CCDC171: variants seen among roughly 807,000 people sequenced by gnomAD.
CCDC171 encodes coiled-coil domain-containing protein 171.
Under a neutral mutation model 168.2 loss-of-function variants are expected in CCDC171, and 177 were observed. That is an observed-to-expected ratio of 1.05 (90% CI 0.93 to 1.19). The LOEUF is 1.19. Ranked by LOEUF, CCDC171 falls within the 50% of genes most tolerant of loss-of-function variation. The probability of loss-of-function intolerance (pLI) is 0.00; values close to 1 mark genes in which losing one functional copy is unlikely to be tolerated. For missense variants in CCDC171, 1,991 were observed against 1,539.0 expected (o/e 1.29, Z -4.91); for synonymous variants, 687 against 540.8 (o/e 1.27, Z -3.75).
At chr9:15,787,197 A>G (rs1377625206) in intron 21 of CCDC171, among the ~76,000 whole-genome samples, 6 of 152,292 alleles carry the variant, frequency 3.9e-5, no homozygotes, top group African/African-American at 1.2e-4. Context: ...AAATCAGGCT[A>G]ACATTCATCT....
intron 1 of CCDC171, among the ~76,000 whole-genome samples, chr9:16,051,944 A>AAG (rs1371915910): frequency 6.6e-6 from 1 of 152,224 alleles, no homozygotes; most frequent in Non-Finnish European, 1.5e-5. Flanking sequence ...AGTGGCAGGC[A>AAG]AGAGAGAGAA....
At chr9:15,558,877 T>A (rs1563936212) in intron 1 of CCDC171, among the ~76,000 whole-genome samples, 2 of 152,212 alleles carry the variant, frequency 1.3e-5, no homozygotes, top group Non-Finnish European at 2.9e-5. Flanking sequence ...TTTAGTGCTA[T>A]AAATTTCCCT....
intron 12 of CCDC171, among the ~76,000 whole-genome samples, chr9:15,723,260 G>A (rs1354026543): frequency 6.6e-6 from 1 of 152,138 alleles, no homozygotes; most frequent in Non-Finnish European, 1.5e-5. Flanking sequence ...AGAGACCAGT[G>A]AATATCCTCA....
exon 6 of CCDC171, chr9:16,022,739 G>C (rs1377900403): frequency 3.3e-5 from 5 of 152,152 alleles, no homozygotes; most frequent in Non-Finnish European, 7.3e-5. Flanking sequence ...CCCTGTCCAG[G>C]CCAGCGTGTT....
chr9:15,712,701 G>A (rs2052761580), intron 11 of CCDC171, among the ~76,000 whole-genome samples: 1 of 152,172 alleles, frequency 6.6e-6, no homozygotes, highest in South Asian at 2.1e-4. Context: ...CTGCCACCAA[G>A]TTGCTATCTC....
At chr9:16,071,825 T>C in the CCDC171 span, among the ~76,000 whole-genome samples, 7 of 152,222 alleles carry the variant, frequency 4.6e-5, no homozygotes, top group African/African-American at 1.2e-4. Context: ...TGAGAGCTCA[T>C]TGGGATTCCC....
At chr9:16,098,975 A>G in the CCDC171 span, among the ~76,000 whole-genome samples, 6 of 152,208 alleles carry the variant, frequency 3.9e-5, no homozygotes, top group African/African-American at 1.2e-4. Flanking sequence ...GCTCTGACAT[A>G]GGATGGATAT....
At chr9:15,786,564 A>G (rs1381426835) in intron 21 of CCDC171, among the ~76,000 whole-genome samples, 2 of 152,228 alleles carry the variant, frequency 1.3e-5, no homozygotes, top group Non-Finnish European at 1.5e-5. Flanking sequence ...ATTTCTTTCT[A>G]TGCTAATAAG....
intron 1 of CCDC171, among the ~76,000 whole-genome samples, chr9:15,562,288 C>A (rs1247695048): frequency 1.3e-5 from 2 of 152,150 alleles, no homozygotes; most frequent in Non-Finnish European, 2.9e-5. Context: ...CCCACCGCGC[C>A]TGGCCTGACA....
chr9:15,965,184 A>T (rs1015076575), intron 25 of CCDC171, among the ~76,000 whole-genome samples: 2 of 152,216 alleles, frequency 1.3e-5, no homozygotes, highest in African/African-American at 4.8e-5. Context: ...CATGAGATCT[A>T]TGTATTTACT....
intron 23 of CCDC171, among the ~76,000 whole-genome samples, chr9:15,865,059 A>G (rs2061718451): frequency 6.6e-6 from 1 of 152,092 alleles, no homozygotes; most frequent in South Asian, 2.1e-4. Flanking sequence ...ATAAAACAGG[A>G]AATGACAATC....
chr9:16,101,336 ATTG>A, the CCDC171 span, among the ~76,000 whole-genome samples: 1 of 152,162 alleles, frequency 6.6e-6, no homozygotes, highest in Non-Finnish European at 1.5e-5. Flanking sequence ...ATTAAAATGT[ATTG>A]TTTATCTGAA....
chr9:15,707,473 G>A (rs1224917996), intron 11 of CCDC171, among the ~76,000 whole-genome samples: 1 of 152,196 alleles, frequency 6.6e-6, no homozygotes, highest in Non-Finnish European at 1.5e-5. Context: ...GGAATAAAGT[G>A]AGACTATGCC....
At chr9:16,077,880 G>C in the CCDC171 span, among the ~76,000 whole-genome samples, 1 of 152,046 alleles carries the variant, frequency 6.6e-6, no homozygotes, top group African/African-American at 2.4e-5. Context: ...TCAGTACCCA[G>C]GAAAAAATGT....
At chr9:15,955,122 C>T (rs570295642) in intron 25 of CCDC171, among the ~76,000 whole-genome samples, 2 of 152,070 alleles carry the variant, frequency 1.3e-5, no homozygotes, top group African/African-American at 4.8e-5. Flanking sequence ...CTGTAGCTAT[C>T]TGTGTGTCAA....
intron 18 of CCDC171, among the ~76,000 whole-genome samples, chr9:15,751,042 A>G (rs1424645641): frequency 2.0e-5 from 3 of 152,228 alleles, no homozygotes; most frequent in East Asian, 3.8e-4. Context: ...TCTCAGCCCA[A>G]AATCTCCTTA....
At chr9:15,930,586 A>G (rs1352363653) in intron 25 of CCDC171, among the ~76,000 whole-genome samples, 1 of 151,658 alleles carries the variant, frequency 6.6e-6, no homozygotes, top group Non-Finnish European at 1.5e-5. Flanking sequence ...ATACTCAGTA[A>G]GTGTTTGTTA....
At chr9:15,596,107 T>A (rs995866067) in intron 6 of CCDC171, among the ~76,000 whole-genome samples, 2 of 152,226 alleles carry the variant, frequency 1.3e-5, no homozygotes, top group African/African-American at 4.8e-5. Context: ...CTGTTCACTC[T>A]GATGGTAGTT....
intron 6 of CCDC171, among the ~76,000 whole-genome samples, chr9:15,604,833 A>C (rs533287618): frequency 2.0e-5 from 3 of 152,258 alleles, no homozygotes; most frequent in Non-Finnish European, 4.4e-5. Context: ...TCCACGTAAC[A>C]GAATAGTATG....
Sources: allele counts gnomAD v4.1 joint callset (sites outside exome capture counted in the v4.1 genomes callset), GRCh38; gene constraint gnomAD v4.1.1; transcripts MANE v1.5; gene names NCBI Gene and HGNC (gene_info 2026-07-23, HGNC 2026-07-21).